ZNF407: variants seen among roughly 807,000 people sequenced by gnomAD.
The protein encoded by ZNF407 is zinc finger protein 407.
In ZNF407, 17 loss-of-function variants were observed where a neutral mutation model predicts 131.2. The observed-to-expected ratio is 0.13, with a 90% confidence interval of 0.09 to 0.19. The LOEUF is 0.19. ZNF407 is among the 10% of genes least tolerant of loss of function. The probability of loss-of-function intolerance (pLI) is 1.00; values close to 1 mark genes in which losing one functional copy is unlikely to be tolerated. For synonymous variants in ZNF407, 1,156 were observed against 1,062.0 expected, an observed-to-expected ratio of 1.09 and a Z score of -1.72; for missense variants, 2,681 against 2,830.6, an observed-to-expected ratio of 0.95 and a Z score of 1.20.
chr18:74,849,529 G>C (rs998686182), intron 4 of ZNF407, among the ~76,000 whole-genome samples: 3 of 152,154 alleles, frequency 2.0e-5, no homozygotes, highest in Admixed American at 6.5e-5. Context: ...GGTCAGGGGT[G>C]GGGGACGGGG....
At chr18:74,920,438 A>T in intron 7 of ZNF407, 76 bp from the exon 8 acceptor site, 1 of 1,234,584 alleles carries the variant, frequency 8.1e-7, no homozygotes, top group Non-Finnish European at 1.1e-6. Context: ...AGACAGTGTT[A>T]TGTAATATCA....
chr18:74,716,559 T>C (rs1427567908), intron 3 of ZNF407, among the ~76,000 whole-genome samples: 1 of 152,158 alleles, frequency 6.6e-6, no homozygotes, highest in African/African-American at 2.4e-5. Context: ...ATTTAACTTA[T>C]CCGTGGAGTT....
chr18:74,757,604 C>T (rs1178182544), intron 3 of ZNF407, among the ~76,000 whole-genome samples: 3 of 152,034 alleles, frequency 2.0e-5, no homozygotes, highest in African/African-American at 4.8e-5. Flanking sequence ...ATTCTCTGGG[C>T]ATTTGAGGTT....
chr18:74,786,355 T>C (rs896933731), intron 4 of ZNF407, among the ~76,000 whole-genome samples: 1 of 152,236 alleles, frequency 6.6e-6, no homozygotes, highest in Non-Finnish European at 1.5e-5. Flanking sequence ...GAATATTTTT[T>C]ATGAAACTTT....
At chr18:74,707,633 T>C (rs767439006) in intron 3 of ZNF407, among the ~76,000 whole-genome samples, 2 of 152,228 alleles carry the variant, frequency 1.3e-5, no homozygotes, top group Non-Finnish European at 2.9e-5. Flanking sequence ...AATCAGGTGT[T>C]CATTACTTTC....
intron 8 of ZNF407, among the ~76,000 whole-genome samples, chr18:74,991,978 A>T (rs1195870267): frequency 6.6e-6 from 1 of 152,240 alleles, no homozygotes; most frequent in Non-Finnish European, 1.5e-5. Flanking sequence ...CCAGCTTCGC[A>T]TGGCACCAGG....
At chr18:74,652,908 A>G (rs1985292258) in intron 3 of ZNF407, among the ~76,000 whole-genome samples, 1 of 152,066 alleles carries the variant, frequency 6.6e-6, no homozygotes, top group Non-Finnish European at 1.5e-5. Context: ...ATTTCAAATC[A>G]GTCATATAAG....
At chr18:74,980,954 C>T (rs564070748) in intron 8 of ZNF407, among the ~76,000 whole-genome samples, 1 of 152,164 alleles carries the variant, frequency 6.6e-6, no homozygotes, top group Non-Finnish European at 1.5e-5. Flanking sequence ...GGCCTCTGGG[C>T]ATTTGTGATT....
At chr18:74,853,968 A>G (rs938660553) in intron 4 of ZNF407, among the ~76,000 whole-genome samples, 1 of 152,194 alleles carries the variant, frequency 6.6e-6, no homozygotes, top group Non-Finnish European at 1.5e-5. Flanking sequence ...ACAAATTTTA[A>G]TGACTTCATG....
intron 4 of ZNF407, chr18:74,804,249 G>C: frequency 8.3e-7 from 1 of 1,200,208 alleles, no homozygotes; most frequent in Non-Finnish European, 1.0e-6. Flanking sequence ...GGAAGGAACT[G>C]TTATTTTAAA....
At chr18:74,854,804 C>T (rs554239873) in intron 4 of ZNF407, among the ~76,000 whole-genome samples, 3 of 152,066 alleles carry the variant, frequency 2.0e-5, no homozygotes, top group African/African-American at 7.2e-5. Flanking sequence ...GACATGCACC[C>T]GAACCGCTGC....
chr18:74,878,843 A>T (rs1028651189), intron 5 of ZNF407, among the ~76,000 whole-genome samples: 25 of 151,506 alleles, frequency 1.7e-4, no homozygotes. Flanking sequence ...CTCAAAAAAA[A>T]CACTCTGTTT....
At chr18:75,006,493 C>T (rs1291039397) in intron 8 of ZNF407, among the ~76,000 whole-genome samples, 20 of 152,152 alleles carry the variant, frequency 1.3e-4, no homozygotes, top group Admixed American at 1.3e-3. Flanking sequence ...TATCTAAATA[C>T]ATTTGATTTC....
At position 74,635,462 on chromosome 18, in the gene ZNF407, G is replaced by C. The variant is rs781398446; in HGVS notation, c.4443G>C (p.Glu1481Asp). The change falls in exon 2 of 9, where the codon GAG (glutamate) becomes GAC (aspartate). Residue 1481 changes from glutamate (E) to aspartate (D), a missense_variant. Glu to Asp is a conservative substitution (Grantham distance 45, BLOSUM62 2). Around this residue, in one of 6 missense-constraint regions of ZNF407, gnomAD observed 213 missense variants for 332.2 expected, o/e 0.64. Transcript: ENST00000299687. The surrounding 1 kb of genome is among the most constrained non-coding windows in gnomAD (Gnocchi z 4.7). Reference protein sequence around the residue: ...NEQASVEELPEGGATFKCVKC... With the variant: ...NEQASVEELPDGGATFKCVKC... ...AGGCCAGTGTGGAGGAGCTTCCGGA[G>C]GGAGGGGCCACCTTTAAATGTGTCA... 7 of 1,613,188 alleles carry C rather than the reference G, an allele frequency of 4.3e-6. No homozygotes were observed. In the South Asian group the frequency reaches 7.7e-5, roughly 18 times the overall value.
At chr18:74,618,574 G>T (rs996830553) in intron 1 of ZNF407, among the ~76,000 whole-genome samples, 187 of 152,196 alleles carry the variant, frequency 1.2e-3, no homozygotes, top group African/African-American at 4.4e-3. Flanking sequence ...CCATCTAAGG[G>T]CTGGCTTTTT....
chr18:74,854,181 A>C (rs1205408373), intron 4 of ZNF407, among the ~76,000 whole-genome samples: 1 of 152,136 alleles, frequency 6.6e-6, no homozygotes, highest in Non-Finnish European at 1.5e-5. Context: ...TTATGACTAA[A>C]AGAGTCCTAG....
chr18:74,628,693 C>T (rs963537079), intron 1 of ZNF407, among the ~76,000 whole-genome samples: 3 of 152,052 alleles, frequency 2.0e-5, no homozygotes, highest in Admixed American at 2.0e-4. Context: ...TCAAGCAATC[C>T]TCTTGCTTCA....
intron 7 of ZNF407, among the ~76,000 whole-genome samples, chr18:74,904,996 C>T (rs1971576564): frequency 6.6e-6 from 1 of 152,162 alleles, no homozygotes. Context: ...TAAGTGGACA[C>T]GGTGGGTTTT....
chr18:75,015,042 C>G (rs1973026797), intron 8 of ZNF407, among the ~76,000 whole-genome samples: 1 of 152,060 alleles, frequency 6.6e-6, no homozygotes, highest in African/African-American at 2.4e-5. Flanking sequence ...TTCCCCACCG[C>G]CATATTCGTA....
Sources: allele counts gnomAD v4.1 joint callset (sites outside exome capture counted in the v4.1 genomes callset), GRCh38; gene constraint gnomAD v4.1.1; regional missense constraint gnomAD v4.1.1; non-coding constraint Gnocchi (gnomAD v3.1); transcripts MANE v1.5; gene names NCBI Gene and HGNC (gene_info 2026-07-23, HGNC 2026-07-21).